Variants in SHISA9 observed in about 807,000 individuals in gnomAD.
SHISA9 encodes protein shisa-9.
In SHISA9, 13 loss-of-function variants were observed where a neutral mutation model predicts 38.0. That is an observed-to-expected ratio of 0.34 (90% confidence interval 0.22 to 0.54). The LOEUF is 0.54. SHISA9 is among the 20% of genes least tolerant of loss of function. The pLI, the probability that SHISA9 is intolerant of heterozygous loss-of-function variation, is 0.91. For synonymous variants in SHISA9, 275 were observed against 242.0 expected (o/e 1.14, Z -1.27); for missense variants, 538 against 575.8 (o/e 0.93, Z 0.67).
chr16:12,964,129 T>C (rs1294244480), intron 2 of SHISA9, among the ~76,000 whole-genome samples: 3 of 152,216 alleles, frequency 2.0e-5, no homozygotes, highest in African/African-American at 7.2e-5. Context: ...ATGTTAAGAA[T>C]CAGTGCATTG....
At chr16:13,055,332 C>A (rs529973480) in intron 2 of SHISA9, among the ~76,000 whole-genome samples, 1 of 152,180 alleles carries the variant, frequency 6.6e-6, no homozygotes, top group African/African-American at 2.4e-5. Flanking sequence ...AACCACAGTG[C>A]TGTTTTGTGT....
chr16:13,139,394 T>TTTCCTTCCTTCCTTCCTTCCTTCTTTCC (rs2050378951), intron 2 of SHISA9, among the ~76,000 whole-genome samples: 8 of 95,074 alleles, frequency 8.4e-5, no homozygotes, highest in Non-Finnish European at 1.4e-4. Flanking sequence ...CCCTTCCTTC[T>TTTCCTTCCTTCCTTCCTTCCTTCTTTCC]TTCCTTCCTT....
chr16:13,510,851 C>G, the SHISA9 span, among the ~76,000 whole-genome samples: 1 of 151,888 alleles, frequency 6.6e-6, no homozygotes, highest in South Asian at 2.1e-4. Context: ...AATCAAGGAC[C>G]CTTGTCATCT....
At chr16:13,429,529 A>G in the SHISA9 span, among the ~76,000 whole-genome samples, 1 of 152,050 alleles carries the variant, frequency 6.6e-6, no homozygotes, top group East Asian at 1.9e-4. Flanking sequence ...TCTCCTTTCT[A>G]TAAGGACACC....
chr16:12,987,513 A>T (rs1355188460), intron 2 of SHISA9, among the ~76,000 whole-genome samples: 1 of 152,180 alleles, frequency 6.6e-6, no homozygotes, highest in East Asian at 1.9e-4. Flanking sequence ...CGAATACCAC[A>T]TGTTCTCATT....
intron 2 of SHISA9, among the ~76,000 whole-genome samples, chr16:12,998,087 C>T (rs1596573461): frequency 6.6e-6 from 1 of 152,152 alleles, no homozygotes; most frequent in Non-Finnish European, 1.5e-5. Context: ...AAGTAATGCT[C>T]AGTACATATT....
chr16:13,222,261 G>A (rs387090), intron 4 of SHISA9, among the ~76,000 whole-genome samples: 71,736 of 151,868 alleles, frequency 0.47, 17,774 homozygotes, highest in East Asian at 0.75. Flanking sequence ...TGGGGATACA[G>A]CCAAACCATA....
the SHISA9 span, among the ~76,000 whole-genome samples, chr16:13,274,582 C>A: frequency 1.3e-4 from 20 of 152,144 alleles, no homozygotes; most frequent in Non-Finnish European, 2.2e-4. Flanking sequence ...GTTAATTCCC[C>A]ATGGTAGAGA....
At chr16:13,269,458 TG>T in the SHISA9 span, among the ~76,000 whole-genome samples, 1 of 152,184 alleles carries the variant, frequency 6.6e-6, no homozygotes, top group Non-Finnish European at 1.5e-5. Flanking sequence ...ACTTCCAAGA[TG>T]GGGCTTTCTA....
intron 2 of SHISA9, among the ~76,000 whole-genome samples, chr16:12,964,309 A>G (rs1037268319): frequency 1.3e-5 from 2 of 152,172 alleles, no homozygotes; most frequent in East Asian, 1.9e-4. Flanking sequence ...AAAGGTCCCA[A>G]ATTAATTCCA....
chr16:13,308,829 G>A, the SHISA9 span, among the ~76,000 whole-genome samples: 23 of 152,178 alleles, frequency 1.5e-4, no homozygotes, highest in African/African-American at 5.3e-4. Flanking sequence ...CCATAAGATA[G>A]GTGAACAGGG....
intron 4 of SHISA9, among the ~76,000 whole-genome samples, chr16:13,228,426 A>G (rs142435149): frequency 6.6e-6 from 1 of 152,320 alleles, no homozygotes; most frequent in East Asian, 1.9e-4. Flanking sequence ...GACATCATGT[A>G]TTGAAGCTGC....
At chr16:13,372,768 G>C in the SHISA9 span, among the ~76,000 whole-genome samples, 1 of 152,126 alleles carries the variant, frequency 6.6e-6, no homozygotes, top group African/African-American at 2.4e-5. Context: ...AGATTGCAAA[G>C]GACGTAAAGG....
the SHISA9 span, among the ~76,000 whole-genome samples, chr16:13,484,619 A>G: frequency 6.6e-6 from 1 of 152,114 alleles, no homozygotes; most frequent in Non-Finnish European, 1.5e-5. Context: ...AAACTACCTG[A>G]GACTGGGTAA....
chr16:13,173,243 C>T (rs528271053), intron 2 of SHISA9, among the ~76,000 whole-genome samples: 3 of 150,432 alleles, frequency 2.0e-5, no homozygotes, highest in South Asian at 4.2e-4. Flanking sequence ...AACACCTTAG[C>T]GTTAACAATG....
At chr16:13,321,156 T>C in the SHISA9 span, among the ~76,000 whole-genome samples, 2 of 152,180 alleles carry the variant, frequency 1.3e-5, no homozygotes, top group African/African-American at 4.8e-5. Flanking sequence ...CAATGAAGTT[T>C]CTAAATGCAA....
At chr16:13,159,840 T>C (rs542307744) in intron 2 of SHISA9, among the ~76,000 whole-genome samples, 1 of 152,380 alleles carries the variant, frequency 6.6e-6, no homozygotes, top group Non-Finnish European at 1.5e-5. Context: ...TGAATGCTGC[T>C]GAAGCTCATA....
At chr16:13,454,413 G>A in the SHISA9 span, among the ~76,000 whole-genome samples, 4 of 152,174 alleles carry the variant, frequency 2.6e-5, no homozygotes, top group Non-Finnish European at 4.4e-5. Context: ...TCACACGCAT[G>A]GATCCTCTTG....
At chr16:13,219,235 C>T (rs894667669) in intron 4 of SHISA9, among the ~76,000 whole-genome samples, 3 of 152,176 alleles carry the variant, frequency 2.0e-5, no homozygotes, top group Non-Finnish European at 4.4e-5. Context: ...CGAGGCTAAC[C>T]CAGCCAGATC....
Sources: allele counts gnomAD v4.1 joint callset (sites outside exome capture counted in the v4.1 genomes callset), GRCh38; gene constraint gnomAD v4.1.1; transcripts MANE v1.5; gene names NCBI Gene and HGNC (gene_info 2026-07-23, HGNC 2026-07-21).